Variants in DOCK1 observed in about 807,000 individuals in gnomAD.
The protein encoded by DOCK1 is dedicator of cytokinesis 1, also known as dedicator of cytokinesis protein 1.
In DOCK1, 138 loss-of-function variants were observed where a neutral mutation model predicts 262.7. The observed-to-expected ratio is 0.53, with a 90% CI of 0.46 to 0.61. DOCK1 has a LOEUF of 0.61. Ranked by LOEUF, DOCK1 falls within the 20% of genes least tolerant of loss-of-function variation. The pLI is 0.00. For synonymous variants in DOCK1, 866 were observed against 867.4 expected (o/e 1.00, Z 0.03); for missense variants, 1,908 against 2,370.7 (o/e 0.80, Z 4.05).
chr10:127,439,873 C>T (rs964540659), intron 49 of DOCK1, among the ~76,000 whole-genome samples: 9 of 152,066 alleles, frequency 5.9e-5, no homozygotes, highest in Admixed American at 3.9e-4. Context: ...CGTGTGAGGG[C>T]GGTGAAACCC....
intron 23 of DOCK1, among the ~76,000 whole-genome samples, chr10:127,074,340 C>T (rs957762478): frequency 2.0e-5 from 3 of 152,122 alleles, no homozygotes; most frequent in African/African-American, 7.2e-5. Context: ...GTGGGATGAC[C>T]AGACCCCAGT....
At chr10:127,133,243 C>G (rs917483418) in intron 27 of DOCK1, among the ~76,000 whole-genome samples, 1 of 152,088 alleles carries the variant, frequency 6.6e-6, no homozygotes, top group Non-Finnish European at 1.5e-5. Flanking sequence ...GTGAATAGTG[C>G]CTTTTACCCA....
chr10:127,210,053 C>T (rs2057906096), intron 27 of DOCK1, among the ~76,000 whole-genome samples: 1 of 152,188 alleles, frequency 6.6e-6, no homozygotes, highest in African/African-American at 2.4e-5. Context: ...TTCTAGTCAC[C>T]TGGATACATT....
At chr10:127,138,621 G>C (rs531986420) in intron 27 of DOCK1, among the ~76,000 whole-genome samples, 2 of 152,236 alleles carry the variant, frequency 1.3e-5, no homozygotes, top group African/African-American at 4.8e-5. Context: ...ACCATTGAAC[G>C]GTACTCCGCC....
intron 47 of DOCK1, among the ~76,000 whole-genome samples, chr10:127,429,831 G>A (rs2069161087): frequency 6.7e-6 from 1 of 149,540 alleles, no homozygotes; most frequent in Admixed American, 6.6e-5. Flanking sequence ...GCCACGTTCG[G>A]CATTGGCCCC....
At chr10:127,295,534 G>T (rs1262229585) in intron 29 of DOCK1, among the ~76,000 whole-genome samples, 1 of 152,050 alleles carries the variant, frequency 6.6e-6, no homozygotes, top group Non-Finnish European at 1.5e-5. Context: ...AAAAAATTTA[G>T]AAATACCTAG....
intron 23 of DOCK1, among the ~76,000 whole-genome samples, chr10:127,101,384 T>G (rs1337027357): frequency 1.3e-5 from 2 of 152,188 alleles, no homozygotes; most frequent in Non-Finnish European, 2.9e-5. Flanking sequence ...AATTCCGTTC[T>G]CTCTGTCCTG....
At chr10:127,280,258 T>C (rs1026177086) in intron 29 of DOCK1, among the ~76,000 whole-genome samples, 2 of 151,788 alleles carry the variant, frequency 1.3e-5, no homozygotes, top group African/African-American at 2.4e-5. Context: ...ATGGTCTCCA[T>C]CTCCTGACCT....
chr10:127,382,233 A>G (rs967655582), intron 37 of DOCK1, among the ~76,000 whole-genome samples: 3 of 152,264 alleles, frequency 2.0e-5, no homozygotes, highest in East Asian at 1.9e-4. Flanking sequence ...AAAGAAAACC[A>G]GAGAAAATTA....
intron 25 of DOCK1, among the ~76,000 whole-genome samples, chr10:127,122,704 A>G (rs995143516): frequency 2.6e-5 from 4 of 151,320 alleles, no homozygotes; most frequent in African/African-American, 9.7e-5. Context: ...TGACAGTGAC[A>G]TTTCTAAAAG....
intron 38 of DOCK1, among the ~76,000 whole-genome samples, chr10:127,390,203 T>C (rs769595933): frequency 1.6e-4 from 24 of 152,142 alleles, no homozygotes; most frequent in Non-Finnish European, 2.5e-4. Flanking sequence ...CAGTCTCAGA[T>C]ATTTCTTTAA....
intron 27 of DOCK1, among the ~76,000 whole-genome samples, chr10:127,220,746 T>G (rs2058400853): frequency 6.6e-6 from 1 of 152,148 alleles, no homozygotes; most frequent in Non-Finnish European, 1.5e-5. Context: ...GAATTCCATC[T>G]TCTACCTTTA....
At chr10:127,432,340 C>T (rs2069352461) in intron 47 of DOCK1, among the ~76,000 whole-genome samples, 1 of 151,950 alleles carries the variant, frequency 6.6e-6, no homozygotes, top group Non-Finnish European at 1.5e-5. Flanking sequence ...TACCTGTAAT[C>T]TACCGCTTCT....
rs867254162 is a variant in DOCK1 at position 127,060,676 on chromosome 10, A to T, written c.2337-992A>T. Among the ~76,000 whole-genome samples, 3 of 151,918 alleles carry T rather than the reference A, an allele frequency of 2.0e-5. No homozygotes were observed. In the South Asian group the frequency reaches 6.2e-4, roughly 31 times the overall value. Reference sequence around the variant, plus strand: ...TGCTAATAAATAATTTACAAACGAGACTTATTTTCAATTAGTAACATATAT... The same window carrying T: ...TGCTAATAAATAATTTACAAACGAGTCTTATTTTCAATTAGTAACATATAT... On this transcript the variant is annotated intron_variant, in intron 22 of 51. Transcript: ENST00000623213.
At chr10:127,206,520 G>A (rs2057732489) in intron 27 of DOCK1, among the ~76,000 whole-genome samples, 1 of 152,164 alleles carries the variant, frequency 6.6e-6, no homozygotes, top group African/African-American at 2.4e-5. Flanking sequence ...AGAATTGTTT[G>A]TTGTGGATTT....
At chr10:127,172,093 TTTC>T (rs1436648375) in intron 27 of DOCK1, among the ~76,000 whole-genome samples, 1 of 152,194 alleles carries the variant, frequency 6.6e-6, no homozygotes, top group Non-Finnish European at 1.5e-5. Flanking sequence ...ATTTTCCTGT[TTTC>T]TTTTTTTGTT....
At chr10:127,140,740 C>T (rs1272519142) in intron 27 of DOCK1, among the ~76,000 whole-genome samples, 1 of 151,990 alleles carries the variant, frequency 6.6e-6, no homozygotes, top group African/African-American at 2.4e-5. Context: ...CTGGCCAACT[C>T]TGGCTGACAT....
chr10:127,106,091 C>T (rs1053780256), intron 23 of DOCK1, 140 bp from the exon 24 acceptor site: 3 of 814,428 alleles, frequency 3.7e-6, no homozygotes, highest in Non-Finnish European at 5.7e-6. Flanking sequence ...CTATTTTCAT[C>T]GTGTTAGCCG....
At chr10:126,955,551 G>A (rs959682626) in intron 1 of DOCK1, among the ~76,000 whole-genome samples, 1 of 152,198 alleles carries the variant, frequency 6.6e-6, no homozygotes, top group Admixed American at 6.5e-5. Flanking sequence ...CGGGGCACAA[G>A]GGTTTGGCCA....
Sources: gnomAD v4.1 joint callset for allele counts (sites outside exome capture counted in the v4.1 genomes callset) on GRCh38, gnomAD v4.1.1 for gene constraint, MANE v1.5 for transcripts, NCBI Gene and HGNC (gene_info 2026-07-23, HGNC 2026-07-21) for gene names.